The following MBTPS1 variants were observed in gnomAD, a reference collection of about 807,000 sequenced individuals.
The protein encoded by MBTPS1 is membrane-bound transcription factor site-1 protease.
Under a neutral mutation model 127.8 loss-of-function variants are expected in MBTPS1, and 94 were observed. The observed-to-expected ratio is 0.74, with a 90% CI of 0.62 to 0.87. The LOEUF is 0.87. Among genes scored for constraint, MBTPS1 ranks in the 40% least tolerant of loss-of-function variants. The pLI, the probability that MBTPS1 is intolerant of heterozygous loss-of-function variation, is 0.00. For missense variants in MBTPS1, 1,636 were observed against 1,353.2 expected, an observed-to-expected ratio of 1.21 and a Z score of -3.28; for synonymous variants, 632 against 509.4, an observed-to-expected ratio of 1.24 and a Z score of -3.24.
chr16:84,081,556 G>A, intron 11 of MBTPS1, 191 bp downstream of exon 11: 1 of 397,134 alleles, frequency 2.5e-6, no homozygotes, highest in Non-Finnish European at 4.4e-6. Flanking sequence ...GATCACATCA[G>A]TAAGCGAAAG....
chr16:84,059,310 C>T lies in MBTPS1; in HGVS notation c.2823G>A (p.Thr941=), dbSNP rs528353263. The T allele has an allele frequency of 1.9e-5, 31 of 1,613,396 alleles. No homozygotes were observed. The Admixed American group carries it at 3.2e-4, about 16-fold the overall frequency. Residue 941 remains threonine, a synonymous_variant, in exon 21 of 23, where the codon ACG becomes ACA. Transcript: ENST00000343411. Reference sequence around the variant, plus strand: ...CACAGGCGGACACTAACCTGGGCGCCGTCTCGTTTAAAGGCTGTGGCTTGG... The same window carrying T: ...CACAGGCGGACACTAACCTGGGCGCTGTCTCGTTTAAAGGCTGTGGCTTGG... ...SWAKPQPLNE[T]APSNLWKHQK...
chr16:84,111,463 C>T (rs528679358), intron 1 of MBTPS1, among the ~76,000 whole-genome samples: 23 of 152,112 alleles, frequency 1.5e-4, no homozygotes, highest in Non-Finnish European at 2.2e-4. Flanking sequence ...ATCACTTGAA[C>T]CCGGGAGGCA....
chr16:84,063,927 A>C (rs1429668642), intron 18 of MBTPS1, among the ~76,000 whole-genome samples: 1 of 152,228 alleles, frequency 6.6e-6, no homozygotes, highest in African/African-American at 2.4e-5. Flanking sequence ...GACAAATGTA[A>C]CTAATTTTTA....
chr16:84,066,355 T>C (rs2085682785), intron 17 of MBTPS1, 134 bp downstream of exon 17: 2 of 886,696 alleles, frequency 2.3e-6, no homozygotes, highest in Admixed American at 3.3e-5. Flanking sequence ...CTTTTGAAAA[T>C]ACTGGTGAGT....
At chr16:84,077,645 G>A (rs1210404610) in intron 11 of MBTPS1, among the ~76,000 whole-genome samples, 1 of 152,098 alleles carries the variant, frequency 6.6e-6, no homozygotes, top group Non-Finnish European at 1.5e-5. Flanking sequence ...ACAAATATTA[G>A]AAGAAAACAC....
chr16:84,086,886 A>C (rs1479575768), intron 9 of MBTPS1, among the ~76,000 whole-genome samples: 1 of 152,168 alleles, frequency 6.6e-6, no homozygotes, highest in East Asian at 1.9e-4. Flanking sequence ...AGTTATTTTG[A>C]ATTTGTCCAG....
intron 11 of MBTPS1, among the ~76,000 whole-genome samples, chr16:84,079,299 T>C (rs1217348585): frequency 6.6e-6 from 1 of 152,188 alleles, no homozygotes; most frequent in African/African-American, 2.4e-5. Context: ...CAGTCTCAGG[T>C]ATTTTTTTAT....
intron 20 of MBTPS1, chr16:84,060,236 A>C (rs1293159333): frequency 6.5e-6 from 1 of 153,202 alleles, no homozygotes; most frequent in African/African-American, 2.4e-5. Context: ...TCATTTCCTC[A>C]TCTGGAAACT....
At chr16:84,065,121 GTT>G (rs35734457) in intron 18 of MBTPS1, among the ~76,000 whole-genome samples, 6 of 140,004 alleles carry the variant, frequency 4.3e-5, no homozygotes, top group Admixed American at 7.2e-5. Flanking sequence ...CTTGAAGGTA[GTT>G]TTTTTTTTTT....
intron 14 of MBTPS1, 107 bp downstream of exon 14, chr16:84,069,759 G>A: frequency 2.8e-6 from 3 of 1,070,284 alleles, no homozygotes; most frequent in Non-Finnish European, 2.7e-6. Context: ...TCAGAGTCCA[G>A]GCTCCACGAG....
intron 1 of MBTPS1, among the ~76,000 whole-genome samples, chr16:84,113,955 CTTTTT>C (rs57658435): frequency 1.5e-5 from 2 of 137,070 alleles, no homozygotes; most frequent in Admixed American, 7.4e-5. Flanking sequence ...GGTGTCTTCC[CTTTTT>C]TTTTTTTTTT....
Position 84,059,412 on chromosome 16 carries a change from C to T in MBTPS1, c.2721G>A (p.Arg907=), listed in dbSNP as rs778085811. The change falls in exon 21 of 23, where the codon CGG becomes CGA. Residue 907 remains arginine (R), a synonymous_variant. Coordinates refer to ENST00000343411, the MANE Select transcript of MBTPS1 (RefSeq NM_003791.4). ...AATGGGCCTCCAGAACCTTGGAGTACCGATGAAGATGGTTTCCTGTGGTTA... is the reference window on the plus strand; with the variant it reads ...AATGGGCCTCCAGAACCTTGGAGTATCGATGAAGATGGTTTCCTGTGGTTA... ...PERMEGNHLH[R]YSKVLEAHLG... The T allele has an allele frequency of 6.2e-7, 1 of 1,613,196 alleles. No homozygotes were observed. Among genetic ancestry groups the T allele is most frequent in the South Asian group, 1.1e-5 (1 of 90,984 alleles).
Position 84,069,971 on chromosome 16 carries a change from G to A in MBTPS1, c.1850C>T (p.Pro617Leu). The A allele has an allele frequency of 6.2e-7, 1 of 1,614,054 alleles. No individual in the cohort carries two copies. Among genetic ancestry groups the A allele is most frequent in the South Asian group, 1.1e-5 (1 of 91,084 alleles). ...LPIKVKIIPT[P>L]PRSKRVLWDQ... ...CCAGAGAACTCTCTTGCTTCGCGGG[G>A]GAGTAGGAATTATCTTCACCTTAAT... is the stretch of plus-strand genomic sequence containing the variant. Residue 617 changes from proline to leucine, a missense_variant, in exon 14 of 23, where the codon CCC becomes CTC. Physicochemically the swap from Pro to Leu is moderately conservative, Grantham distance 98. Transcript: ENST00000343411.
chr16:84,114,698 C>T (rs1444111491), intron 1 of MBTPS1, among the ~76,000 whole-genome samples: 3 of 151,434 alleles, frequency 2.0e-5, no homozygotes, highest in African/African-American at 7.3e-5. Flanking sequence ...GGTGTGGTGG[C>T]GGGCACCTGC....
At chr16:84,073,797 G>A (rs562151199) in intron 12 of MBTPS1, among the ~76,000 whole-genome samples, 28 of 152,248 alleles carry the variant, frequency 1.8e-4, no homozygotes, top group African/African-American at 6.7e-4. Flanking sequence ...CTGAAGTCAG[G>A]AATTCGAGAC....
chr16:84,064,845 A>G (rs1015982290), intron 18 of MBTPS1, among the ~76,000 whole-genome samples: 3 of 152,242 alleles, frequency 2.0e-5, no homozygotes, highest in South Asian at 4.1e-4. Flanking sequence ...TAATATAAAA[A>G]TAAGTTCTAT....
chr16:84,112,137 G>A (rs1244496516), intron 1 of MBTPS1, among the ~76,000 whole-genome samples: 1 of 152,134 alleles, frequency 6.6e-6, no homozygotes, highest in East Asian at 1.9e-4. Flanking sequence ...AGGAGGTGGA[G>A]GTTGCAGTGG....
chr16:84,082,275 G>A (rs762099380), intron 10 of MBTPS1: 30 of 155,724 alleles, frequency 1.9e-4, no homozygotes, highest in Middle Eastern at 3.1e-3. Flanking sequence ...ATGGGACACC[G>A]CCTGGCTGGG....
rs768020762 is a variant in MBTPS1, at chr16:84,070,753, T to C, written c.1617A>G (p.Pro539=). 8 of 1,612,072 alleles carry C rather than the reference T, an allele frequency of 5.0e-6. No individual in the cohort carries two copies. The South Asian group carries it at 8.8e-5, about 18-fold the overall frequency. ...CAACTTCAATGTTGTCTCCGTTCTG[T>C]GGCAAATAGGGCTGCCAGTCAGGCT... ...VDKPDWQPYL[P]QNGDNIEVAF... is the part of the protein sequence containing the mutation. Residue 539 remains proline, a synonymous_variant, in exon 13 of 23, where the codon CCA becomes CCG. Coordinates refer to ENST00000343411, the MANE Select transcript of MBTPS1 (RefSeq NM_003791.4).
Sources: gnomAD v4.1 joint callset for allele counts (sites outside exome capture counted in the v4.1 genomes callset) on GRCh38, gnomAD v4.1.1 for gene constraint, MANE v1.5 for transcripts, NCBI Gene and HGNC (gene_info 2026-07-23, HGNC 2026-07-21) for gene names.